The following MYO5A variants were observed in gnomAD, a reference collection of about 807,000 sequenced individuals.
MYO5A encodes myosin VA, also known as unconventional myosin-Va.
Under a neutral mutation model 249.7 loss-of-function variants are expected in MYO5A, and 98 were observed. The ratio of observed to expected loss-of-function variants is 0.39; its 90% CI spans 0.33 to 0.46. The LOEUF is 0.46. MYO5A is among the 20% of genes least tolerant of loss of function. The pLI, the probability that MYO5A is intolerant of heterozygous loss-of-function variation, is 0.98. For missense variants in MYO5A, 1,696 were observed against 2,308.8 expected, an observed-to-expected ratio of 0.73 and a Z score of 5.44; for synonymous variants, 778 against 810.6, an observed-to-expected ratio of 0.96 and a Z score of 0.68.
rs142415224 is a variant in MYO5A, at chr15:52,332,579, A to G, written c.4409-2080T>C. On this transcript the variant is annotated intron_variant, in intron 34 of 41. Transcript: ENST00000399233. ...TTCTCTCTGCCTCTGAATTCTCCCT[A>G]GGGACTTAAGTCTTTGCAAAGCTCA... is the stretch of plus-strand genomic sequence containing the variant. 5.9e-5 allele frequency among the ~76,000 whole-genome samples: 9 copies of G among 152,332 alleles called. 1 individual carries two copies. The highest frequency in any genetic ancestry group is 2.2e-4 in the African/African-American group (9 of 41,574).
chr15:52,362,881 G>A (rs1056436534), intron 24 of MYO5A, among the ~76,000 whole-genome samples: 4 of 152,196 alleles, frequency 2.6e-5, no homozygotes, highest in Admixed American at 2.0e-4. Context: ...TATGCTCAGA[G>A]AGGGATACAT....
intron 1 of MYO5A, among the ~76,000 whole-genome samples, chr15:52,443,113 A>G (rs1335897862): frequency 1.3e-5 from 2 of 152,178 alleles, no homozygotes; most frequent in Non-Finnish European, 2.9e-5. Flanking sequence ...TCTTGGTATC[A>G]TAATGAAAAC....
In MYO5A at chr15:52,485,211, T is replaced by TA. The variant is rs571782636; in HGVS notation, c.27+43568dup. Among the ~76,000 whole-genome samples the TA allele has an allele frequency of 5.0e-4, 68 of 136,178 alleles. 1 individual carries two copies. The East Asian group carries it at 7.8e-3, about 16-fold the overall frequency. 89.3% of individuals were successfully genotyped at this position (136,178 alleles called of 152,430 possible). A position where few individuals can be genotyped will look rare whatever the true frequency, so the allele number is the denominator to read the frequency against. On this transcript the variant is annotated intron_variant, in intron 1 of 41. Transcript: ENST00000399233. ...ATTATCCTTCTCTACTAAAGATCTG[T>TA]AAATGACAGAACACAAATCTTTAAA... is the stretch of plus-strand genomic sequence containing the variant.
chr15:52,473,066 CTT>C (rs982660387), intron 1 of MYO5A, among the ~76,000 whole-genome samples: 2 of 152,320 alleles, frequency 1.3e-5, no homozygotes, highest in Admixed American at 1.3e-4. Flanking sequence ...TGTTTCCTGA[CTT>C]TTTAATGATC....
At chr15:52,364,524 T>A (rs2040713815) in intron 24 of MYO5A, 30 bp downstream of exon 24, 3 of 1,590,626 alleles carry the variant, frequency 1.9e-6, no homozygotes, top group African/African-American at 2.9e-5. Context: ...AAATTTTTCA[T>A]TAAAAAAAAA....
At chr15:52,424,996 T>C (rs539484552) in intron 4 of MYO5A, among the ~76,000 whole-genome samples, 36 of 152,328 alleles carry the variant, frequency 2.4e-4, no homozygotes, top group African/African-American at 8.4e-4. Flanking sequence ...AGTGTATGCC[T>C]GCAGTACCAA....
chr15:52,417,492 A>T (rs1311746936), intron 4 of MYO5A, among the ~76,000 whole-genome samples: 1 of 152,228 alleles, frequency 6.6e-6, no homozygotes, highest in Non-Finnish European at 1.5e-5. Flanking sequence ...GGCTTCATTC[A>T]ACTAAAAGTT....
At chr15:52,518,818 G>A (rs979356367) in intron 1 of MYO5A, among the ~76,000 whole-genome samples, 1 of 152,146 alleles carries the variant, frequency 6.6e-6, no homozygotes, top group Non-Finnish European at 1.5e-5. Context: ...CACAGAAAAT[G>A]ATTTATGCAA....
intron 22 of MYO5A, 91 bp downstream of exon 22, chr15:52,370,077 TA>T: frequency 6.5e-7 from 1 of 1,535,758 alleles, no homozygotes; most frequent in Non-Finnish European, 9.0e-7. Flanking sequence ...GCATTTCTAA[TA>T]AAACCAACAG....
intron 6 of MYO5A, among the ~76,000 whole-genome samples, chr15:52,409,139 T>A (rs13329417): frequency 0.019 from 2,848 of 152,188 alleles, 60 homozygotes; most frequent in African/African-American, 0.054. Context: ...TGGTTCAGTG[T>A]CTCTAAACAA....
chr15:52,455,115 G>A (rs1190898387), intron 1 of MYO5A, among the ~76,000 whole-genome samples: 1 of 151,820 alleles, frequency 6.6e-6, no homozygotes, highest in Non-Finnish European at 1.5e-5. Context: ...AATAAAATCA[G>A]AGATTAGAAA....
At chr15:52,350,553 C>CTGT (rs750730470) in intron 28 of MYO5A, among the ~76,000 whole-genome samples, 2 of 152,190 alleles carry the variant, frequency 1.3e-5, no homozygotes, top group Non-Finnish European at 2.9e-5. Context: ...TGATGCTCTG[C>CTGT]TGTGTGCACA....
intron 1 of MYO5A, among the ~76,000 whole-genome samples, chr15:52,459,663 G>A (rs1490670422): frequency 2.0e-5 from 3 of 152,168 alleles, no homozygotes; most frequent in South Asian, 2.1e-4. Flanking sequence ...ATCACGGCCC[G>A]CTCTCAATGA....
At chr15:52,321,025 A>G (rs2038280540) in intron 38 of MYO5A, among the ~76,000 whole-genome samples, 1 of 151,970 alleles carries the variant, frequency 6.6e-6, no homozygotes. Flanking sequence ...AAAAAAAAAA[A>G]AGGGAGCCTG....
At chr15:52,444,555 C>T (rs184345477) in intron 1 of MYO5A, among the ~76,000 whole-genome samples, 3 of 152,180 alleles carry the variant, frequency 2.0e-5, no homozygotes, top group Admixed American at 6.5e-5. Context: ...GAATTCAAAC[C>T]GAGAAAGATC....
chr15:52,333,360 A>C (rs998776191), intron 34 of MYO5A, among the ~76,000 whole-genome samples: 2 of 152,228 alleles, frequency 1.3e-5, no homozygotes, highest in Admixed American at 6.5e-5. Flanking sequence ...GGCACCAGGA[A>C]GATCTTGATC....
At chr15:52,423,428 T>A (rs1398483096) in intron 4 of MYO5A, among the ~76,000 whole-genome samples, 1 of 152,060 alleles carries the variant, frequency 6.6e-6, no homozygotes, top group Non-Finnish European at 1.5e-5. Flanking sequence ...GGCAGGTGCC[T>A]GTAGTCCCAG....
Position 52,325,172 on chromosome 15 carries a change from T to C in MYO5A, c.4711-1728A>G, listed in dbSNP as rs866431054. ...ATGAATGCAGATTGGGAAACTGTGC[T>C]GGTCACTGTCGGGCTATGGGAGAGT... is the stretch of plus-strand genomic sequence containing the variant. On this transcript the variant is annotated intron_variant, in intron 36 of 41. Coordinates refer to ENST00000399233, the MANE Select transcript of MYO5A (RefSeq NM_001382347.1). Among the ~76,000 whole-genome samples, 2 of 152,208 alleles carry C rather than the reference T, an allele frequency of 1.3e-5. 1 individual carries two copies. Among genetic ancestry groups the C allele is most frequent in the South Asian group, 4.1e-4 (2 of 4,824 alleles).
chr15:52,379,138 C>T (rs569899012), intron 18 of MYO5A, among the ~76,000 whole-genome samples: 2 of 152,192 alleles, frequency 1.3e-5, no homozygotes, highest in Non-Finnish European at 2.9e-5. Context: ...TGACTCAAAA[C>T]ACACCTCTTT....
Sources: allele counts gnomAD v4.1 joint callset (sites outside exome capture counted in the v4.1 genomes callset), GRCh38; gene constraint gnomAD v4.1.1; transcripts MANE v1.5; gene names NCBI Gene and HGNC (gene_info 2026-07-23, HGNC 2026-07-21).